Variants in CEACAM3 observed in about 807,000 individuals in gnomAD.
CEACAM3 encodes cell adhesion molecule CEACAM3.
CEACAM3 carries 32 observed loss-of-function variants against 30.1 expected under a neutral mutation model. That is an observed-to-expected ratio of 1.06 (90% CI 0.80 to 1.43). The LOEUF (loss-of-function observed/expected upper bound fraction) is 1.43. Ranked by LOEUF, CEACAM3 falls within the 40% of genes most tolerant of loss-of-function variation. CEACAM3 has a pLI of 0.00. For missense variants in CEACAM3, 290 were observed against 316.3 expected, an observed-to-expected ratio of 0.92 and a Z score of 0.63; for synonymous variants, 134 against 127.2, an observed-to-expected ratio of 1.05 and a Z score of -0.36.
At chr19:41,799,267 T>A (rs551924852) in intron 2 of CEACAM3, among the ~76,000 whole-genome samples, 1 of 152,080 alleles carries the variant, frequency 6.6e-6, no homozygotes, top group African/African-American at 2.4e-5. Flanking sequence ...ACAAGTCAGT[T>A]CTCACTTTGA....
intron 2 of CEACAM3, chr19:41,807,248 A>T (rs1555826916): frequency 6.8e-6 from 11 of 1,609,214 alleles, no homozygotes; most frequent in Non-Finnish European, 9.3e-6. Flanking sequence ...CCTCCCGGTC[A>T]GTTCCAGGCT....
chr19:41,805,182 C>G (rs2073188188), intron 2 of CEACAM3, among the ~76,000 whole-genome samples: 1 of 151,922 alleles, frequency 6.6e-6, no homozygotes, highest in Non-Finnish European at 1.5e-5. Flanking sequence ...TACAGCAGAT[C>G]TCTAGAACCT....
chr19:41,803,236 G>A (rs1568740262), intron 2 of CEACAM3, among the ~76,000 whole-genome samples: 1 of 152,172 alleles, frequency 6.6e-6, no homozygotes, highest in Non-Finnish European at 1.5e-5. Context: ...GATGTAAGCA[G>A]AGAGATCGAT....
intron 2 of CEACAM3, chr19:41,807,018 CA>C: frequency 7.4e-7 from 1 of 1,356,108 alleles, no homozygotes; most frequent in Middle Eastern, 2.3e-4. Context: ...TGGAGTTGGC[CA>C]AAGAATAGGA....
chr19:41,810,476 G>A (rs945329080), intron 5 of CEACAM3, 122 bp downstream of exon 5: 55 of 1,175,974 alleles, frequency 4.7e-5, no homozygotes, highest in Middle Eastern at 3.8e-4. Flanking sequence ...CACAGGACAA[G>A]GCTAGCCCTG....
chr19:41,799,016 C>T (rs2073125893), intron 2 of CEACAM3, among the ~76,000 whole-genome samples: 2 of 152,216 alleles, frequency 1.3e-5, no homozygotes, highest in Admixed American at 1.3e-4. Flanking sequence ...AGGCCTGAGA[C>T]CAGTCCTAAG....
At chr19:41,810,981 G>T in intron 6 of CEACAM3, 84 bp downstream of exon 6, 1 of 1,403,416 alleles carries the variant, frequency 7.1e-7, no homozygotes, top group Non-Finnish European at 9.9e-7. Context: ...TGAGCTCTGA[G>T]ATTCAGGAAA....
rs1008746678 is a variant in CEACAM3 at position 41,811,526 on chromosome 19, G to A, written c.*289G>A. 1.2e-4 allele frequency: 51 copies of A among 429,988 alleles called. No individual in the cohort carries two copies. The highest frequency in any genetic ancestry group is 2.1e-4 in the Non-Finnish European group (48 of 231,476). 26.6% of individuals were successfully genotyped at this position (429,988 alleles called of 1,614,324 possible). On this transcript the variant is annotated 3_prime_UTR_variant, in exon 7 of 7. Transcript: ENST00000357396. ...GGCCCACCTGGGGTCACTTGGAAAG[G>A]ATCTGAATAAAGGGGACCCTTCCTC... is the stretch of plus-strand genomic sequence containing the variant.
At chr19:41,807,305 A>G (rs1219222554) in intron 2 of CEACAM3, 9 of 1,608,380 alleles carry the variant, frequency 5.6e-6, no homozygotes, top group South Asian at 2.2e-5. Flanking sequence ...CAGTGTCACA[A>G]GGAATGACAC....
chr19:41,804,433 G>T (rs917545390), intron 2 of CEACAM3, among the ~76,000 whole-genome samples: 6 of 152,194 alleles, frequency 3.9e-5, no homozygotes, highest in Admixed American at 3.9e-4. Flanking sequence ...AAGGAGGAAG[G>T]TGTTTCATAT....
chr19:41,802,129 C>T (rs2073154556), intron 2 of CEACAM3, among the ~76,000 whole-genome samples: 1 of 152,186 alleles, frequency 6.6e-6, no homozygotes, highest in Admixed American at 6.5e-5. Flanking sequence ...AGTGGTTTCA[C>T]TCTCTACAAT....
chr19:41,810,996 T>C (rs2073245597), intron 6 of CEACAM3, 99 bp downstream of exon 6: 8 of 1,342,558 alleles, frequency 6.0e-6, no homozygotes, highest in African/African-American at 1.5e-5. Context: ...AGGAAACTGC[T>C]GTGAAAATAA....
intron 2 of CEACAM3, among the ~76,000 whole-genome samples, chr19:41,808,532 T>C (rs2073221443): frequency 6.6e-6 from 1 of 152,158 alleles, no homozygotes. Flanking sequence ...GGAAGAGGCA[T>C]GATGCGAGAG....
chr19:41,797,484 A>G, intron 1 of CEACAM3, 105 bp from the exon 2 acceptor site: 2 of 1,434,110 alleles, frequency 1.4e-6, no homozygotes, highest in South Asian at 1.4e-5. Flanking sequence ...ACACACATAC[A>G]CTCTCCAAGG....
At chr19:41,803,726 A>ATG (rs2073174955) in intron 2 of CEACAM3, among the ~76,000 whole-genome samples, 1 of 93,668 alleles carries the variant, frequency 1.1e-5, no homozygotes, top group Non-Finnish European at 2.8e-5. Context: ...TTGGCCTCCA[A>ATG]AAGTGCTGGG....
Position 41,811,001 on chromosome 19 carries a change from A to C in CEACAM3, c.693+104A>C, listed in dbSNP as rs547473109. 1.2e-4 allele frequency: 165 copies of C among 1,321,848 alleles called. 1 individual carries two copies. In the South Asian group the frequency reaches 2.0e-3, roughly 16 times the overall value. The allele number at this position is 1,321,848 out of a possible 1,614,324, so 81.9% of individuals were successfully genotyped here. A position where few individuals can be genotyped will look rare whatever the true frequency, so the allele number is the denominator to read the frequency against. On this transcript the variant is annotated intron_variant, in intron 6 of 6. Coordinates refer to ENST00000357396, the MANE Select transcript of CEACAM3 (RefSeq NM_001815.5). ...TCTGAGATTCAGGAAACTGCTGTGA[A>C]AATAAGAACGGGGGTGGCGAGCAGA... is the stretch of plus-strand genomic sequence containing the variant.
chr19:41,808,844 C>T lies in CEACAM3; in HGVS notation c.456C>T (p.Ala152=), dbSNP rs147871023. Residue 152 remains alanine, a synonymous_variant, in exon 3 of 7, where the codon GCC becomes GCT. Transcript: ENST00000357396. The part of the protein sequence containing the change: ...QENAPGLPVG[A]VAGIVTGVLV... The stretch of plus-strand genomic sequence containing the variant: ...ATGCCCCAGGCCTTCCTGTGGGGGC[C>T]GTCGCCGGCATCGTGACCGGGGTCC... 35 of 1,611,790 alleles carry T rather than the reference C, an allele frequency of 2.2e-5. No homozygotes were observed. Among genetic ancestry groups the T allele is most frequent in the Middle Eastern group, 1.7e-4 (1 of 6,052 alleles).
chr19:41,801,719 G>T (rs889685040), intron 2 of CEACAM3, among the ~76,000 whole-genome samples: 7 of 152,120 alleles, frequency 4.6e-5, no homozygotes, highest in Non-Finnish European at 1.0e-4. Flanking sequence ...GCCTCTGAGT[G>T]GGGGCCACAA....
intron 2 of CEACAM3, chr19:41,807,630 G>C: frequency 8.3e-7 from 1 of 1,198,638 alleles, no homozygotes; most frequent in Non-Finnish European, 1.1e-6. Flanking sequence ...GAATATCTCA[G>C]ACCCAGACTC....
Sources: allele counts gnomAD v4.1 joint callset (sites outside exome capture counted in the v4.1 genomes callset), GRCh38; gene constraint gnomAD v4.1.1; transcripts MANE v1.5; gene names NCBI Gene and HGNC (gene_info 2026-07-23, HGNC 2026-07-21).